Variants in PCCA observed in about 807,000 individuals in gnomAD.
The protein encoded by PCCA is propionyl-CoA carboxylase subunit alpha.
Under a neutral mutation model 101.3 loss-of-function variants are expected in PCCA, and 74 were observed. The observed-to-expected ratio is 0.73, with a 90% CI of 0.61 to 0.89. PCCA has a LOEUF of 0.89. PCCA is among the 40% of genes least tolerant of loss of function. PCCA has a pLI of 0.00. For synonymous variants in PCCA, 294 were observed against 313.6 expected (o/e 0.94, Z 0.66); for missense variants, 891 against 907.0 (o/e 0.98, Z 0.23).
At chr13:100,509,969 T>A (rs886793911) in intron 21 of PCCA, among the ~76,000 whole-genome samples, 3 of 152,206 alleles carry the variant, frequency 2.0e-5, no homozygotes, top group African/African-American at 7.2e-5. Flanking sequence ...TATTAACCCA[T>A]GAGCCGAAAA....
intron 1 of PCCA, among the ~76,000 whole-genome samples, chr13:100,096,577 G>T (rs1040054615): frequency 1.3e-5 from 2 of 152,292 alleles, no homozygotes; most frequent in Non-Finnish European, 1.5e-5. Context: ...AGCTTAGTGA[G>T]GAAGGCCTGT....
intron 4 of PCCA, among the ~76,000 whole-genome samples, chr13:100,145,922 C>T (rs1372758165): frequency 7.0e-6 from 1 of 142,716 alleles, no homozygotes; most frequent in African/African-American, 2.6e-5. Context: ...TAATTAAAAA[C>T]AAAACAAAAG....
intron 12 of PCCA, among the ~76,000 whole-genome samples, chr13:100,289,611 A>G (rs1157466654): frequency 6.6e-6 from 1 of 151,616 alleles, no homozygotes; most frequent in Non-Finnish European, 1.5e-5. Context: ...GCTTGAAATA[A>G]TGGTTAATTA....
chr13:100,328,342 G>A (rs1010183782), intron 16 of PCCA, among the ~76,000 whole-genome samples: 3 of 150,254 alleles, frequency 2.0e-5, no homozygotes, highest in Admixed American at 6.7e-5. Context: ...TGACCTGGGC[G>A]ATAGAGTGAG....
At chr13:100,314,560 A>G (rs1211100473) in intron 16 of PCCA, among the ~76,000 whole-genome samples, 1 of 152,206 alleles carries the variant, frequency 6.6e-6, no homozygotes, top group African/African-American at 2.4e-5. Context: ...TCTCATTAGC[A>G]TAAACTCAGG....
At chr13:100,092,066 G>A (rs756144173) in intron 1 of PCCA, among the ~76,000 whole-genome samples, 4 of 151,280 alleles carry the variant, frequency 2.6e-5, no homozygotes, top group Non-Finnish European at 5.9e-5. Context: ...GACTACAGGC[G>A]CACGCCACCA....
intron 6 of PCCA, among the ~76,000 whole-genome samples, chr13:100,173,736 TGTA>T (rs67004351): frequency 0.33 from 50,054 of 151,746 alleles, 9,073 homozygotes; most frequent in East Asian, 0.69. Flanking sequence ...CATCTTGAAT[TGTA>T]GCTCCTCTAA....
At chr13:100,292,429 G>C (rs556444005) in intron 12 of PCCA, among the ~76,000 whole-genome samples, 1 of 152,272 alleles carries the variant, frequency 6.6e-6, no homozygotes, top group East Asian at 1.9e-4. Flanking sequence ...AGCATTTGCT[G>C]TATAGGATTG....
chr13:100,501,616 G>A (rs1202249502), intron 21 of PCCA, among the ~76,000 whole-genome samples: 1 of 152,174 alleles, frequency 6.6e-6, no homozygotes, highest in Non-Finnish European at 1.5e-5. Context: ...GCTCACGCCT[G>A]TAATCCCAGC....
chr13:100,130,709 G>T (rs558062219), intron 4 of PCCA, among the ~76,000 whole-genome samples: 1 of 152,116 alleles, frequency 6.6e-6, no homozygotes, highest in Non-Finnish European at 1.5e-5. Flanking sequence ...TTCCTCAAAT[G>T]GATAGTAGGT....
At chr13:100,385,283 A>C (rs1429565620) in intron 19 of PCCA, among the ~76,000 whole-genome samples, 1 of 152,236 alleles carries the variant, frequency 6.6e-6, no homozygotes, top group African/African-American at 2.4e-5. Context: ...TAATGCTTAA[A>C]AATGTAAAAA....
chr13:100,181,264 G>C (rs1452093523), intron 6 of PCCA, among the ~76,000 whole-genome samples: 18 of 152,076 alleles, frequency 1.2e-4, no homozygotes, highest in Non-Finnish European at 1.5e-5. Flanking sequence ...ATGTTTAATG[G>C]GTTAACAGCA....
At chr13:100,417,916 G>C (rs1024480123) in intron 19 of PCCA, among the ~76,000 whole-genome samples, 1 of 152,046 alleles carries the variant, frequency 6.6e-6, no homozygotes, top group African/African-American at 2.4e-5. Flanking sequence ...TTTCTTGTAA[G>C]CCCTTTCTTT....
rs545487864 is a variant in PCCA, at chr13:100,228,815, G to C, written c.601-7027G>C. Among the ~76,000 whole-genome samples, 479 of 149,346 alleles carry C rather than the reference G, an allele frequency of 3.2e-3. 9 individuals are homozygous for C. Among genetic ancestry groups the C allele is most frequent in the African/African-American group, 0.011 (463 of 40,430 alleles). On this transcript the variant is annotated intron_variant, in intron 7 of 23. Coordinates refer to ENST00000376285, the MANE Select transcript of PCCA (RefSeq NM_000282.4). ...CTTGGGAGGCTGAGGCAGGAGAATC[G>C]TTTGAACCTGGGAGGTGGAGGTTGC... is the stretch of plus-strand genomic sequence containing the variant.
At chr13:100,374,856 C>G (rs2075803232) in intron 19 of PCCA, among the ~76,000 whole-genome samples, 1 of 152,134 alleles carries the variant, frequency 6.6e-6, no homozygotes, top group Admixed American at 6.5e-5. Context: ...TTTTTCGTGT[C>G]TCTGTCTCCT....
At chr13:100,101,959 C>A (rs528756054) in intron 1 of PCCA, among the ~76,000 whole-genome samples, 1 of 152,216 alleles carries the variant, frequency 6.6e-6, no homozygotes, top group East Asian at 1.9e-4. Context: ...GCTATAAGAA[C>A]ATTTTGTTTC....
At chr13:100,329,518 A>G (rs1392326036) in intron 16 of PCCA, among the ~76,000 whole-genome samples, 1 of 152,192 alleles carries the variant, frequency 6.6e-6, no homozygotes, top group Non-Finnish European at 1.5e-5. Context: ...TGAAGAACTC[A>G]GCGTCAACCA....
chr13:100,348,231 T>C (rs1335340301), intron 18 of PCCA, among the ~76,000 whole-genome samples: 1 of 152,192 alleles, frequency 6.6e-6, no homozygotes, highest in Admixed American at 6.5e-5. Flanking sequence ...GCTGATCTTA[T>C]TTTCCCAATT....
intron 10 of PCCA, among the ~76,000 whole-genome samples, chr13:100,266,884 A>G (rs2062973363): frequency 6.6e-6 from 1 of 152,210 alleles, no homozygotes; most frequent in Non-Finnish European, 1.5e-5. Context: ...ATTTTTCTAC[A>G]TTCAGTACGT....
Sources: allele counts gnomAD v4.1 joint callset (sites outside exome capture counted in the v4.1 genomes callset), GRCh38; gene constraint gnomAD v4.1.1; transcripts MANE v1.5; gene names NCBI Gene and HGNC (gene_info 2026-07-23, HGNC 2026-07-21).